COL16A1: variants seen among roughly 807,000 people sequenced by gnomAD.
COL16A1 encodes the protein collagen alpha-1(XVI) chain.
A neutral mutation model predicts 266.3 loss-of-function variants in COL16A1; 189 were observed. The ratio of observed to expected loss-of-function variants is 0.71; its 90% CI spans 0.63 to 0.80. The LOEUF (loss-of-function observed/expected upper bound fraction) is 0.80. Among genes scored for constraint, COL16A1 ranks in the 30% least tolerant of loss-of-function variants. The pLI is 0.00. For missense variants in COL16A1, 1,928 were observed against 2,122.4 expected (o/e 0.91, Z 1.80); for synonymous variants, 740 against 782.3 (o/e 0.95, Z 0.90).
rs758352657 is a variant in COL16A1, at chr1:31,684,598, C to T, written c.2085G>A (p.Thr695=). 126 of 1,613,806 alleles carry T rather than the reference C, an allele frequency of 7.8e-5. 2 individuals carry two copies. The highest frequency in any genetic ancestry group is 3.3e-4 in the Middle Eastern group (2 of 6,082). Residue 695 remains threonine, a synonymous_variant, in exon 31 of 71, where the codon ACG becomes ACA. Coordinates refer to ENST00000373672, the MANE Select transcript of COL16A1 (RefSeq NM_001856.4). The stretch of plus-strand genomic sequence containing the variant: ...GTCCTGGCCGCCCTGTGGTGCCCGG[C>T]GTTCCAGGGTCTCCAGGATTCCCAG... ...GDAGNPGDPG[T]PGTTGRPGLS...
In COL16A1 at chr1:31,666,087, G is replaced by A; in HGVS notation, c.3358-6C>T. The A allele has an allele frequency of 6.2e-7, 1 of 1,608,244 alleles. No homozygotes were observed. The highest frequency in any genetic ancestry group is 8.5e-7 in the Non-Finnish European group (1 of 1,178,512). Reference sequence around the variant, plus strand: ...CCTTCAGATCCTGGGGGGCCCTAAGGATACAAAGGAACAGAATCAGTCACT... The same window carrying A: ...CCTTCAGATCCTGGGGGGCCCTAAGAATACAAAGGAACAGAATCAGTCACT... On this transcript the variant is annotated splice_region_variant and splice_polypyrimidine_tract_variant and intron_variant, in intron 52 of 70. Coordinates refer to ENST00000373672, the MANE Select transcript of COL16A1 (RefSeq NM_001856.4).
In COL16A1 at chr1:31,688,342, A is replaced by G; in HGVS notation, c.1803+125T>C. ...AAGTCTGCAAAACACTAGTAAATTAATTTCACTGTGAATTTACCGTCTGAA... is the reference window on the plus strand; with the variant it reads ...AAGTCTGCAAAACACTAGTAAATTAGTTTCACTGTGAATTTACCGTCTGAA... On this transcript the variant is annotated intron_variant, in intron 26 of 70. Coordinates refer to ENST00000373672, the MANE Select transcript of COL16A1 (RefSeq NM_001856.4). The surrounding 1 kb of genome is among the most constrained non-coding windows in gnomAD (Gnocchi z 4.9). 1 of 1,116,702 alleles carries G rather than the reference A, an allele frequency of 9.0e-7. No individual in the cohort carries two copies. Among genetic ancestry groups the G allele is most frequent in the Non-Finnish European group, 1.3e-6 (1 of 743,464 alleles). 69.2% of individuals were successfully genotyped at this position (1,116,702 alleles called of 1,614,324 possible).
chr1:31,694,954 A>G (rs1644429817), intron 11 of COL16A1, among the ~76,000 whole-genome samples: 1 of 152,180 alleles, frequency 6.6e-6, no homozygotes, highest in African/African-American at 2.4e-5. Flanking sequence ...CATGCCCTGA[A>G]CCCGAACACA....
intron 22 of COL16A1, 198 bp from the exon 23 acceptor site, chr1:31,690,049 C>T (rs887918052): frequency 3.2e-6 from 2 of 620,452 alleles, no homozygotes; most frequent in South Asian, 4.0e-5. Context: ...CAGGGTGGCG[C>T]AAAACTACAT....
intron 56 of COL16A1, among the ~76,000 whole-genome samples, 159 bp downstream of exon 56, chr1:31,665,013 C>CA (rs1642006295): frequency 6.6e-6 from 1 of 152,244 alleles, no homozygotes; most frequent in African/African-American, 2.4e-5. Flanking sequence ...TGTCGGCCTC[C>CA]AGTAGTCACT....
At position 31,683,913 on chromosome 1, in the gene COL16A1, C is replaced by T. The variant is rs770124910; in HGVS notation, c.2337+37G>A. On this transcript the variant is annotated intron_variant, in intron 33 of 70. Coordinates refer to ENST00000373672, the MANE Select transcript of COL16A1 (RefSeq NM_001856.4). ...TCTCCCTATCCCACCCCTGCCCTCACGTAGCTACGGCCCAGGGCCCCAAGA... is the reference window on the plus strand; with the variant it reads ...TCTCCCTATCCCACCCCTGCCCTCATGTAGCTACGGCCCAGGGCCCCAAGA... The T allele has an allele frequency of 1.8e-5, 29 of 1,613,578 alleles. 1 individual carries two copies. Among genetic ancestry groups the T allele is most frequent in the East Asian group, 4.5e-5 (2 of 44,888 alleles).
At chr1:31,701,929 C>CAA (rs1412310446) in intron 2 of COL16A1, among the ~76,000 whole-genome samples, 192 bp downstream of exon 2, 1 of 152,148 alleles carries the variant, frequency 6.6e-6, no homozygotes, top group East Asian at 1.9e-4. Flanking sequence ...GACACAGGCA[C>CAA]ACACACTCTC....
chr1:31,689,105 G>T lies in COL16A1; in HGVS notation c.1621-20C>A. 1 of 1,613,432 alleles carries T rather than the reference G, an allele frequency of 6.2e-7. No homozygotes were observed. Among genetic ancestry groups the T allele is most frequent in the South Asian group, 1.1e-5 (1 of 91,066 alleles). ...GTCTCCCTGCAGGGTAAAAAGGTTTGTGGGCTGAGGCAGGGCACGATGGGG... is the reference window on the plus strand; with the variant it reads ...GTCTCCCTGCAGGGTAAAAAGGTTTTTGGGCTGAGGCAGGGCACGATGGGG... On this transcript the variant is annotated intron_variant, in intron 23 of 70. Transcript: ENST00000373672.
chr1:31,694,966 T>A (rs1644430337), intron 11 of COL16A1, among the ~76,000 whole-genome samples: 1 of 152,174 alleles, frequency 6.6e-6, no homozygotes, highest in Non-Finnish European at 1.5e-5. Flanking sequence ...CCGAACACAC[T>A]GCAGATGACA....
At chr1:31,655,528 T>C in intron 66 of COL16A1, 26 bp from the exon 67 acceptor site, 1 of 1,610,480 alleles carries the variant, frequency 6.2e-7, no homozygotes, top group Admixed American at 1.7e-5. Context: ...CTTAGTGCTG[T>C]CAAATTTACA....
intron 62 of COL16A1, 51 bp from the exon 63 acceptor site, chr1:31,659,015 C>G (rs946931606): frequency 1.1e-5 from 16 of 1,519,514 alleles, no homozygotes; most frequent in Non-Finnish European, 1.4e-5. Flanking sequence ...TAGTAAGACC[C>G]CTGGGAGGCA....
At chr1:31,672,112 A>G (rs571374404) in intron 47 of COL16A1, among the ~76,000 whole-genome samples, 11 of 152,250 alleles carry the variant, frequency 7.2e-5, no homozygotes, top group Admixed American at 3.9e-4. Flanking sequence ...GTGGAGTTCA[A>G]TTTTAAAGAG....
intron 42 of COL16A1, among the ~76,000 whole-genome samples, chr1:31,676,706 C>G (rs1266753672): frequency 6.6e-6 from 1 of 152,238 alleles, no homozygotes; most frequent in Non-Finnish European, 1.5e-5. Context: ...GTTCCCCTTG[C>G]AGATTCGTGA....
Position 31,703,163 on chromosome 1 carries a change from A to C in COL16A1, c.-35+674T>G, listed in dbSNP as rs550413724. ...CATATGCTCGCTGATATACCCAGACACACCAGCTTGCATATACCCACATGC... is the reference window on the plus strand; with the variant it reads ...CATATGCTCGCTGATATACCCAGACCCACCAGCTTGCATATACCCACATGC... On this transcript the variant is annotated intron_variant, in intron 1 of 70. Transcript: ENST00000373672. Among the ~76,000 whole-genome samples the C allele has an allele frequency of 1.2e-4, 19 of 152,304 alleles. No homozygotes were observed. The South Asian group carries it at 3.7e-3, about 30-fold the overall frequency.
chr1:31,700,115 C>T lies in COL16A1; in HGVS notation c.74G>A (p.Gly25Asp). The change falls in exon 3 of 71, where the codon GGT becomes GAT. Residue 25 changes from glycine to aspartate, a missense_variant and splice_region_variant. Gly to Asp is a moderately conservative substitution (Grantham distance 94). Transcript: ENST00000373672. Reference sequence around the variant, plus strand: ...CTGCTGTGAAGGTGGGCATTGTGCACCTAGAAGAGAAGGGGCAGGGGGGCA... The same window carrying T: ...CTGCTGTGAAGGTGGGCATTGTGCATCTAGAAGAGAAGGGGCAGGGGGGCA... ...WATFGHGANT[G>D]AQCPPSQQEG... 1 of 1,614,126 alleles carries T rather than the reference C, an allele frequency of 6.2e-7. No homozygotes were observed. The highest frequency in any genetic ancestry group is 8.5e-7 in the Non-Finnish European group (1 of 1,180,016).
At position 31,655,462 on chromosome 1, in the gene COL16A1, T is replaced by C; in HGVS notation, c.4142A>G (p.Glu1381Gly). 6.2e-7 allele frequency: 1 copy of C among 1,614,078 alleles called. No individual in the cohort carries two copies. Among genetic ancestry groups the C allele is most frequent in the Non-Finnish European group, 8.5e-7 (1 of 1,179,994 alleles). Residue 1381 changes from glutamate to glycine, a missense_variant, in exon 67 of 71, where the codon GAG becomes GGG. Transcript: ENST00000373672. ...GAAGQKGQAG[E>G]KGRAGMPGGP... ...ACCAGGCATGCCGGCTCTCCCCTTC[T>C]CTCCTGCCTGGCCCTTCTGTCCTGC...
chr1:31,691,242 G>A lies in COL16A1; in HGVS notation c.1399-16C>T, dbSNP rs749743332. On this transcript the variant is annotated splice_polypyrimidine_tract_variant and intron_variant, in intron 19 of 70. Transcript: ENST00000373672. ...CTGGATCCCCCTGAGGGCAGAAACA[G>A]AGTCACGTGGAAGTTTCCAGGGACC... 6.2e-7 allele frequency: 1 copy of A among 1,613,596 alleles called. No individual in the cohort carries two copies. Among genetic ancestry groups the A allele is most frequent in the Non-Finnish European group, 8.5e-7 (1 of 1,179,786 alleles).
intron 42 of COL16A1, among the ~76,000 whole-genome samples, chr1:31,676,225 T>C (rs1643170359): frequency 6.6e-6 from 1 of 150,824 alleles, no homozygotes; most frequent in African/African-American, 2.4e-5. Flanking sequence ...CACGGGAGGC[T>C]GAGACAGGAG....
Position 31,665,587 on chromosome 1 carries a change from G to A in COL16A1, c.3488C>T (p.Pro1163Leu), listed in dbSNP as rs751545107. ...CTTTGTGTCTTCTTCACTCACCGGT[G>A]GGCCCGGAAAGCCTGGCTGGCCTTG... is the stretch of plus-strand genomic sequence containing the variant. Reference protein sequence around the residue: ...GFQGQPGFPGPPGPPGFPGKV... With the variant: ...GFQGQPGFPGLPGPPGFPGKV... The change falls in exon 55 of 71, where the codon CCA becomes CTA. Residue 1163 changes from proline to leucine, a missense_variant. Around this residue, in one of 2 missense-constraint regions of COL16A1, gnomAD observed 1,552 missense variants for 1,637.2 expected, o/e 0.95. Transcript: ENST00000373672. The A allele has an allele frequency of 6.2e-7, 1 of 1,614,034 alleles. No individual in the cohort carries two copies. The highest frequency in any genetic ancestry group is 8.5e-7 in the Non-Finnish European group (1 of 1,180,022).
Sources: gnomAD v4.1 joint callset for allele counts (sites outside exome capture counted in the v4.1 genomes callset) on GRCh38, gnomAD v4.1.1 for gene constraint, gnomAD v4.1.1 regional missense constraint, Gnocchi (gnomAD v3.1) non-coding constraint, MANE v1.5 for transcripts, NCBI Gene and HGNC (gene_info 2026-07-23, HGNC 2026-07-21) for gene names.